Variants in AGAP1 observed in about 807,000 individuals in gnomAD.
AGAP1 encodes the protein ArfGAP with GTPase domain, ankyrin repeat and PH domain 1, also known as arf-GAP with GTPase, ANK repeat and PH domain-containing protein 1.
Under a neutral mutation model 105.3 loss-of-function variants are expected in AGAP1, and 29 were observed. The ratio of observed to expected loss-of-function variants is 0.28; its 90% CI spans 0.21 to 0.38. The LOEUF is 0.38. Ranked by LOEUF, AGAP1 falls within the 10% of genes least tolerant of loss-of-function variation. The probability of loss-of-function intolerance (pLI) is 1.00; values close to 1 mark genes in which losing one functional copy is unlikely to be tolerated. For missense variants in AGAP1, 998 were observed against 1,165.1 expected (o/e 0.86, Z 2.09); for synonymous variants, 509 against 485.9 (o/e 1.05, Z -0.63).
In AGAP1 at chr2:235,934,074, G is replaced by C. The variant is rs1412603719; in HGVS notation, c.1483+3151G>C. ...ATTCAAACTCAGGTGGCCCGATTCA[G>C]CTCTCCATCACTGCATGTCAAGGTG... On this transcript the variant is annotated intron_variant, in intron 12 of 17. Coordinates refer to ENST00000304032, the MANE Select transcript of AGAP1 (RefSeq NM_001037131.3). This position sits in a 1 kb window ranked among gnomAD's most constrained non-coding sequence, Gnocchi z 4.9. 6.6e-6 allele frequency among the ~76,000 whole-genome samples: 1 copy of C among 152,178 alleles called. No homozygotes were observed. The highest frequency in any genetic ancestry group is 2.4e-5 in the African/African-American group (1 of 41,446).
intron 16 of AGAP1, among the ~76,000 whole-genome samples, chr2:236,099,456 A>G (rs2059290159): frequency 6.7e-6 from 1 of 150,278 alleles, no homozygotes; most frequent in African/African-American, 2.4e-5. Context: ...CTCCGCCTCA[A>G]AAAAAAAAAG....
At chr2:235,938,121 C>CT (rs2053078954) in intron 12 of AGAP1, among the ~76,000 whole-genome samples, 1 of 152,262 alleles carries the variant, frequency 6.6e-6, no homozygotes, top group Admixed American at 6.5e-5. Flanking sequence ...GGCAGTCCTG[C>CT]TGCCACCAGC....
intron 9 of AGAP1, among the ~76,000 whole-genome samples, chr2:235,856,208 G>A (rs368437546): frequency 3.3e-5 from 5 of 152,138 alleles, no homozygotes; most frequent in Non-Finnish European, 7.3e-5. Flanking sequence ...CACCGCACCC[G>A]GCCGAGAATA....
In AGAP1 at chr2:236,095,722, A is replaced by C; in HGVS notation, c.2115-24470A>C. The stretch of plus-strand genomic sequence containing the variant: ...ATGCTGACAATGTAAAATTGTGGGA[A>C]AAAACTTTTAAAAATTTTGACATAT... On this transcript the variant is annotated intron_variant, in intron 16 of 17. Transcript: ENST00000304032. This position sits in a 1 kb window ranked among gnomAD's most constrained non-coding sequence, Gnocchi z 4.1. Among the ~76,000 whole-genome samples, 1 of 152,308 alleles carries C rather than the reference A, an allele frequency of 6.6e-6. No homozygotes were observed.
chr2:235,830,354 T>A lies in AGAP1; in HGVS notation c.1050+23023T>A, dbSNP rs1032331696. 6.6e-6 allele frequency among the ~76,000 whole-genome samples: 1 copy of A among 152,216 alleles called. No homozygotes were observed. Among genetic ancestry groups the A allele is most frequent in the Non-Finnish European group, 1.5e-5 (1 of 68,028 alleles). On this transcript the variant is annotated intron_variant, in intron 9 of 17. Coordinates refer to ENST00000304032, the MANE Select transcript of AGAP1 (RefSeq NM_001037131.3). The surrounding 1 kb of genome is among the most constrained non-coding windows in gnomAD (Gnocchi z 5.5). ...TTGCTCATGTCAGTGAGGAGATAGA[T>A]GTGTGCTGTCACTTAGCAGTGTCCA... is the stretch of plus-strand genomic sequence containing the variant.
chr2:236,098,465 G>A, intron 16 of AGAP1, among the ~76,000 whole-genome samples: 1 of 151,776 alleles, frequency 6.6e-6, no homozygotes, highest in East Asian at 1.9e-4. Context: ...AGCTACCAGG[G>A]AGGCAGAGAC....
In AGAP1 at chr2:235,973,903, C is replaced by T. The variant is rs1013541198; in HGVS notation, c.1645+5280C>T. Among the ~76,000 whole-genome samples, 5 of 152,082 alleles carry T rather than the reference C, an allele frequency of 3.3e-5. No homozygotes were observed. Among genetic ancestry groups the T allele is most frequent in the Non-Finnish European group, 7.3e-5 (5 of 68,028 alleles). ...CAAGGGTATGTGCCAGGGAAAAGCG[C>T]CTGGGCAGTGGGATTTTGCAGATCT... On this transcript the variant is annotated intron_variant, in intron 13 of 17. Transcript: ENST00000304032. This position sits in a 1 kb window ranked among gnomAD's most constrained non-coding sequence, Gnocchi z 4.7.
chr2:235,947,660 A>C (rs1559681926), intron 12 of AGAP1, among the ~76,000 whole-genome samples: 1 of 152,120 alleles, frequency 6.6e-6, no homozygotes, highest in South Asian at 2.1e-4. Context: ...TAAGCTTCCT[A>C]AAGGGAGGGA....
intron 9 of AGAP1, among the ~76,000 whole-genome samples, chr2:235,846,690 GC>G (rs1394447185): frequency 1.9e-4 from 29 of 152,128 alleles, no homozygotes; most frequent in Admixed American, 1.2e-3. Flanking sequence ...AGGCTGGAGT[GC>G]AGTGGCATAA....
rs2058064493 is a variant in AGAP1, at chr2:236,056,834, C to T, written c.2114+7553C>T. Among the ~76,000 whole-genome samples the T allele has an allele frequency of 6.6e-6, 1 of 152,164 alleles. No individual in the cohort carries two copies. The highest frequency in any genetic ancestry group is 6.5e-5 in the Admixed American group (1 of 15,272). On this transcript the variant is annotated intron_variant, in intron 16 of 17. Coordinates refer to ENST00000304032, the MANE Select transcript of AGAP1 (RefSeq NM_001037131.3). This position sits in a 1 kb window ranked among gnomAD's most constrained non-coding sequence, Gnocchi z 4.6. Reference sequence around the variant, plus strand: ...CAGGTCAGACTGCAGGCACCAAGATCTGACTCCAGATGCCGCTCTGCAGTC... The same window carrying T: ...CAGGTCAGACTGCAGGCACCAAGATTTGACTCCAGATGCCGCTCTGCAGTC...
chr2:235,588,949 A>G (rs2149206044), intron 1 of AGAP1, among the ~76,000 whole-genome samples: 1 of 152,204 alleles, frequency 6.6e-6, no homozygotes, highest in African/African-American at 2.4e-5. Flanking sequence ...GTTTCTCAGC[A>G]GTCTGTATTT....
chr2:235,883,295 C>G lies in AGAP1; in HGVS notation c.1051-50C>G, dbSNP rs1264946335. On this transcript the variant is annotated intron_variant, in intron 9 of 17. Transcript: ENST00000304032. The surrounding 1 kb of genome is among the most constrained non-coding windows in gnomAD (Gnocchi z 4.5). The stretch of plus-strand genomic sequence containing the variant: ...TATGTTGCCTGTGTACCTGCCTTTT[C>G]TTTTTTTTATTTACATTAGAATTTC... 11 of 1,561,086 alleles carry G rather than the reference C, an allele frequency of 7.0e-6. No individual in the cohort carries two copies. The highest frequency in any genetic ancestry group is 9.7e-6 in the Non-Finnish European group (11 of 1,135,842).
At position 235,557,804 on chromosome 2, in the gene AGAP1, T is replaced by A. The variant is rs2149128897; in HGVS notation, c.163+62955T>A. Among the ~76,000 whole-genome samples the A allele has an allele frequency of 6.6e-6, 1 of 152,310 alleles. No individual in the cohort carries two copies. Among genetic ancestry groups the A allele is most frequent in the East Asian group, 1.9e-4 (1 of 5,170 alleles). ...GTTGTGCCTTATGAAAACAACGGAC[T>A]TGGCTACATTTCGACAAGGGGAAGT... On this transcript the variant is annotated intron_variant, in intron 1 of 17. Coordinates refer to ENST00000304032, the MANE Select transcript of AGAP1 (RefSeq NM_001037131.3). The surrounding 1 kb of genome is among the most constrained non-coding windows in gnomAD (Gnocchi z 4.7).
chr2:236,113,340 C>G lies in AGAP1; in HGVS notation c.2115-6852C>G, dbSNP rs1221641716. ...ATTTTTAGTAGAGATGGGGTTTTAC[C>G]ATGTTGGCCAGGCTGGTGTCGAACT... On this transcript the variant is annotated intron_variant, in intron 16 of 17. Transcript: ENST00000304032. This position sits in a 1 kb window ranked among gnomAD's most constrained non-coding sequence, Gnocchi z 4.3. Among the ~76,000 whole-genome samples the G allele has an allele frequency of 6.6e-6, 1 of 151,996 alleles. No homozygotes were observed. The highest frequency in any genetic ancestry group is 6.6e-5 in the Admixed American group (1 of 15,234).
intron 13 of AGAP1, among the ~76,000 whole-genome samples, chr2:236,025,233 G>T (rs1354628237): frequency 6.6e-6 from 1 of 152,050 alleles, no homozygotes; most frequent in Non-Finnish European, 1.5e-5. Flanking sequence ...CTCCGAACAG[G>T]GCATCCTCAC....
intron 15 of AGAP1, among the ~76,000 whole-genome samples, chr2:236,043,770 T>C (rs1442260185): frequency 6.6e-6 from 1 of 151,312 alleles, no homozygotes. Context: ...TAAAGAAACT[T>C]CATAATGTGT....
chr2:236,026,539 G>A (rs1271568487), intron 13 of AGAP1, among the ~76,000 whole-genome samples: 1 of 152,190 alleles, frequency 6.6e-6, no homozygotes, highest in Non-Finnish European at 1.5e-5. Flanking sequence ...GACCAGCCTG[G>A]CCAACATGGC....
At chr2:235,797,347 C>G (rs529045801) in intron 6 of AGAP1, among the ~76,000 whole-genome samples, 1 of 152,206 alleles carries the variant, frequency 6.6e-6, no homozygotes, top group African/African-American at 2.4e-5. Flanking sequence ...CTCTATCTGT[C>G]TCCCATGTGG....
intron 13 of AGAP1, among the ~76,000 whole-genome samples, chr2:236,033,208 G>T (rs907294376): frequency 6.6e-6 from 1 of 152,266 alleles, no homozygotes; most frequent in East Asian, 1.9e-4. Flanking sequence ...TCATGCCATT[G>T]CACTCCAGCC....
Sources: allele counts gnomAD v4.1 joint callset (sites outside exome capture counted in the v4.1 genomes callset), GRCh38; gene constraint gnomAD v4.1.1; non-coding constraint Gnocchi (gnomAD v3.1); transcripts MANE v1.5; gene names NCBI Gene and HGNC (gene_info 2026-07-23, HGNC 2026-07-21).